Variants in ATF7 observed in about 807,000 individuals in gnomAD.
ATF7 encodes activating transcription factor 7.
Under a neutral mutation model 50.4 loss-of-function variants are expected in ATF7, and 10 were observed. The ratio of observed to expected loss-of-function variants is 0.20; its 90% CI spans 0.12 to 0.34. ATF7 has a LOEUF of 0.34. Among genes scored for constraint, ATF7 ranks in the 10% least tolerant of loss-of-function variants. The pLI is 1.00. For missense variants in ATF7, 465 were observed against 613.9 expected, an observed-to-expected ratio of 0.76 and a Z score of 2.56; for synonymous variants, 201 against 226.4, an observed-to-expected ratio of 0.89 and a Z score of 1.01.
chr12:53,592,537 G>A (rs766036359), intron 2 of ATF7, among the ~76,000 whole-genome samples: 1 of 152,094 alleles, frequency 6.6e-6, no homozygotes, highest in Non-Finnish European at 1.5e-5. Flanking sequence ...ACATCCACAT[G>A]CTACGATTTA....
At chr12:53,522,287 G>A (rs1402998173) in intron 11 of ATF7, among the ~76,000 whole-genome samples, 8 of 152,294 alleles carry the variant, frequency 5.3e-5, no homozygotes, top group Admixed American at 6.5e-5. Flanking sequence ...TGCTGGGCGC[G>A]GTAGCTCATG....
intron 2 of ATF7, among the ~76,000 whole-genome samples, chr12:53,556,354 C>T (rs963371791): frequency 3.3e-5 from 5 of 152,134 alleles, no homozygotes; most frequent in Admixed American, 1.3e-4. Context: ...ATTGGGATGC[C>T]GAGGCAGGTG....
chr12:53,511,093 G>GCTAT (rs1265826006), downstream of ATF7, among the ~76,000 whole-genome samples: 4 of 152,134 alleles, frequency 2.6e-5, no homozygotes. Context: ...AGAGACACCT[G>GCTAT]CTATCTCTTT....
chr12:53,577,606 C>G (rs1336365987), intron 2 of ATF7, among the ~76,000 whole-genome samples: 1 of 151,546 alleles, frequency 6.6e-6, no homozygotes, highest in Non-Finnish European at 1.5e-5. Flanking sequence ...ATCCCAGCTA[C>G]TCGGGAGGCT....
downstream of ATF7, among the ~76,000 whole-genome samples, chr12:53,511,389 C>T (rs772079776): frequency 1.3e-5 from 2 of 152,162 alleles, no homozygotes; most frequent in Non-Finnish European, 2.9e-5. Flanking sequence ...GCTGGGATTA[C>T]AGGCGCCCGC....
downstream of ATF7, among the ~76,000 whole-genome samples, chr12:53,510,594 C>T (rs936023591): frequency 5.9e-5 from 9 of 152,350 alleles, no homozygotes; most frequent in East Asian, 1.7e-3. Flanking sequence ...GAAGTGACTA[C>T]TCCTGTTATC....
chr12:53,520,338 A>G (rs1459410955), intron 11 of ATF7, among the ~76,000 whole-genome samples: 1 of 152,110 alleles, frequency 6.6e-6, no homozygotes, highest in East Asian at 1.9e-4. Context: ...GCACTTTGGG[A>G]GGCCAAGGCG....
rs1468378415 is a variant in ATF7 at position 53,550,334 on chromosome 12, ATAAATAAATAAAT to A, written c.145+2194_145+2206del. ...GTGAGACCCTGTCTCAAAAAAAAAA[ATAAATAAATAAAT>A]AAATAAATAAATAAATAAATAATAA... is the stretch of plus-strand genomic sequence containing the variant. On this transcript the variant is annotated intron_variant, in intron 3 of 11. Coordinates refer to ENST00000420353, the MANE Select transcript of ATF7 (RefSeq NM_006856.3). Among the ~76,000 whole-genome samples the A allele has an allele frequency of 2.4e-5, 3 of 123,994 alleles. No homozygotes were observed. The Admixed American group carries it at 2.5e-4, about 10-fold the overall frequency. The allele number at this position is 123,994 out of a possible 152,430, so 81.3% of individuals were successfully genotyped here. A position where few individuals can be genotyped will look rare whatever the true frequency, so the allele number is the denominator to read the frequency against.
At chr12:53,608,472 A>C (rs1362805700) in intron 1 of ATF7, among the ~76,000 whole-genome samples, 1 of 152,168 alleles carries the variant, frequency 6.6e-6, no homozygotes, top group East Asian at 1.9e-4. Flanking sequence ...AGGCAATTCA[A>C]AATAGCTCCT....
chr12:53,551,647 T>G (rs747727935), intron 3 of ATF7, among the ~76,000 whole-genome samples: 2 of 152,218 alleles, frequency 1.3e-5, no homozygotes, highest in African/African-American at 2.4e-5. Context: ...CCTTTCATCA[T>G]GTATGGAAGT....
At chr12:53,538,867 A>C (rs1358447645) in intron 4 of ATF7, among the ~76,000 whole-genome samples, 9 of 152,208 alleles carry the variant, frequency 5.9e-5, no homozygotes, top group Admixed American at 5.9e-4. Flanking sequence ...AGCAACAGCA[A>C]AAGTAGCTTC....
chr12:53,536,696 T>C (rs934445157), intron 5 of ATF7, among the ~76,000 whole-genome samples: 9 of 151,954 alleles, frequency 5.9e-5, no homozygotes, highest in Admixed American at 4.6e-4. Context: ...GAGACCAGCC[T>C]GACAAATGTG....
intron 4 of ATF7, among the ~76,000 whole-genome samples, chr12:53,542,105 C>CTTTTTTTTTTT (rs1565935478): frequency 6.1e-5 from 5 of 81,884 alleles, no homozygotes; most frequent in East Asian, 1.7e-3. Context: ...TGCGCCTGGC[C>CTTTTTTTTTTT]TGTTTTTTTT....
At chr12:53,565,494 G>T (rs867912486) in intron 2 of ATF7, among the ~76,000 whole-genome samples, 2 of 146,586 alleles carry the variant, frequency 1.4e-5, no homozygotes, top group Admixed American at 6.8e-5. Context: ...GGGCGGGGGC[G>T]GGGGGGAGGG....
intron 4 of ATF7, chr12:53,542,838 T>C (rs1785427974): frequency 2.7e-6 from 2 of 735,172 alleles, no homozygotes; most frequent in Non-Finnish European, 3.3e-6. Flanking sequence ...CTTTGAATAA[T>C]AGTAGAAAGC....
chr12:53,588,165 T>G (rs1942802909), intron 2 of ATF7, among the ~76,000 whole-genome samples: 1 of 152,180 alleles, frequency 6.6e-6, no homozygotes, highest in African/African-American at 2.4e-5. Flanking sequence ...TACATATTTT[T>G]ATCACTTAAA....
chr12:53,564,878 T>C (rs974854266), intron 2 of ATF7, among the ~76,000 whole-genome samples: 1 of 152,194 alleles, frequency 6.6e-6, no homozygotes, highest in Non-Finnish European at 1.5e-5. Flanking sequence ...TATCAGATTT[T>C]TTGGCGATTT....
At chr12:53,510,705 A>G (rs1489926168), downstream of ATF7, among the ~76,000 whole-genome samples, 1 of 152,238 alleles carries the variant, frequency 6.6e-6, no homozygotes, top group African/African-American at 2.4e-5. Flanking sequence ...AACATCAATT[A>G]CAAGTGGCTC....
intron 6 of ATF7, among the ~76,000 whole-genome samples, 175 bp from the exon 7 acceptor site, chr12:53,533,434 C>T (rs1939025866): frequency 6.6e-6 from 1 of 152,100 alleles, no homozygotes; most frequent in African/African-American, 2.4e-5. Context: ...ATTCAACTTA[C>T]CTTATAGATG....
Sources: gnomAD v4.1 joint callset for allele counts (sites outside exome capture counted in the v4.1 genomes callset) on GRCh38, gnomAD v4.1.1 for gene constraint, MANE v1.5 for transcripts, NCBI Gene and HGNC (gene_info 2026-07-23, HGNC 2026-07-21) for gene names.